AFG2A: variants seen among roughly 807,000 people sequenced by gnomAD.
AFG2A encodes the protein AAA ATPase AFG2A.
the AFG2A span, among the ~76,000 whole-genome samples, chr4:123,204,386 A>G: frequency 6.6e-6 from 1 of 152,214 alleles, no homozygotes; most frequent in South Asian, 2.1e-4. Context: ...CATCCCTGCC[A>G]GCATTTCATA....
the AFG2A span, among the ~76,000 whole-genome samples, chr4:123,023,744 A>G: frequency 2.0e-5 from 3 of 152,146 alleles, no homozygotes; most frequent in Non-Finnish European, 4.4e-5. Flanking sequence ...GCTCCGAGCA[A>G]GATGGCAGCC....
chr4:123,109,600 A>T, the AFG2A span, among the ~76,000 whole-genome samples: 2 of 152,142 alleles, frequency 1.3e-5, no homozygotes, highest in Non-Finnish European at 2.9e-5. Context: ...ATCATCTGAC[A>T]CTGTAGGTGC....
At chr4:123,315,611 G>C in the AFG2A span, 2 of 152,074 alleles carry the variant, frequency 1.3e-5, no homozygotes, top group East Asian at 3.9e-4. Context: ...TCTTGAAAAA[G>C]CTTTCAGAAA....
chr4:123,130,711 G>A, the AFG2A span, among the ~76,000 whole-genome samples: 2 of 152,156 alleles, frequency 1.3e-5, no homozygotes, highest in Non-Finnish European at 2.9e-5. Context: ...GAAGAATGTT[G>A]CAGTACACAT....
At chr4:123,122,621 A>C in the AFG2A span, among the ~76,000 whole-genome samples, 2 of 152,148 alleles carry the variant, frequency 1.3e-5, no homozygotes, top group African/African-American at 4.8e-5. Context: ...TTTGTTTTCT[A>C]ATGCAGTGGT....
At chr4:123,004,019 C>G in the AFG2A span, among the ~76,000 whole-genome samples, 1 of 152,196 alleles carries the variant, frequency 6.6e-6, no homozygotes, top group African/African-American at 2.4e-5. Flanking sequence ...ATGGCAGGCG[C>G]CCCTTCCCCA....
the AFG2A span, among the ~76,000 whole-genome samples, chr4:123,146,286 A>G: frequency 2.6e-5 from 4 of 152,224 alleles, no homozygotes; most frequent in Non-Finnish European, 5.9e-5. Context: ...TAGTTAGTAA[A>G]AGGAAATAAA....
chr4:123,163,305 G>A, the AFG2A span, among the ~76,000 whole-genome samples: 454 of 152,248 alleles, frequency 3.0e-3, 1 homozygote, highest in Middle Eastern at 0.01. Context: ...GCATGGTGGC[G>A]CGTGCCTGTA....
chr4:123,020,162 C>T, the AFG2A span, among the ~76,000 whole-genome samples: 1 of 151,980 alleles, frequency 6.6e-6, no homozygotes, highest in African/African-American at 2.4e-5. Context: ...TCCTTGTCCT[C>T]ATGCTTTTAT....
At chr4:122,989,619 G>A in the AFG2A span, among the ~76,000 whole-genome samples, 3 of 152,276 alleles carry the variant, frequency 2.0e-5, no homozygotes, top group Admixed American at 2.0e-4. Flanking sequence ...GCAGGTCCAA[G>A]CCTGGCTCTT....
At chr4:123,302,287 TC>T in the AFG2A span, among the ~76,000 whole-genome samples, 1 of 152,102 alleles carries the variant, frequency 6.6e-6, no homozygotes, top group Non-Finnish European at 1.5e-5. Context: ...CCTCAAGCTC[TC>T]CCATTACATG....
chr4:122,992,958 G>GTA, the AFG2A span, among the ~76,000 whole-genome samples: 1 of 94,750 alleles, frequency 1.1e-5, no homozygotes, highest in Non-Finnish European at 2.4e-5. Flanking sequence ...TGTAAGATTT[G>GTA]TGTGTGTGTG....
At chr4:123,216,798 G>A in the AFG2A span, among the ~76,000 whole-genome samples, 1 of 151,814 alleles carries the variant, frequency 6.6e-6, no homozygotes, top group Non-Finnish European at 1.5e-5. Flanking sequence ...GGGACTGCAG[G>A]TGCACACCAC....
At chr4:123,173,871 A>G in the AFG2A span, among the ~76,000 whole-genome samples, 92 of 152,268 alleles carry the variant, frequency 6.0e-4, no homozygotes, top group African/African-American at 4.3e-4. Flanking sequence ...CAAACTAGTT[A>G]TATACAAAAG....
At chr4:123,213,740 TA>T in the AFG2A span, among the ~76,000 whole-genome samples, 1 of 152,190 alleles carries the variant, frequency 6.6e-6, no homozygotes, top group Non-Finnish European at 1.5e-5. Context: ...TGGTACTGTC[TA>T]AAGTTAAACC....
At chr4:122,953,297 G>A in the AFG2A span, among the ~76,000 whole-genome samples, 1 of 152,298 alleles carries the variant, frequency 6.6e-6, no homozygotes, top group South Asian at 2.1e-4. Flanking sequence ...TAGGGTTTTG[G>A]TGGCAGTCTC....
chr4:123,311,151 C>G, the AFG2A span, among the ~76,000 whole-genome samples: 2 of 152,156 alleles, frequency 1.3e-5, no homozygotes, highest in Non-Finnish European at 2.9e-5. Flanking sequence ...GTTTAAGAGA[C>G]AGGGGAGTAC....
the AFG2A span, among the ~76,000 whole-genome samples, chr4:123,170,211 T>C: frequency 6.6e-6 from 1 of 152,332 alleles, no homozygotes; most frequent in East Asian, 1.9e-4. Context: ...TGAATTTTGA[T>C]GTGCTTTTGA....
At chr4:123,053,001 A>T in the AFG2A span, among the ~76,000 whole-genome samples, 2 of 152,190 alleles carry the variant, frequency 1.3e-5, no homozygotes, top group Non-Finnish European at 2.9e-5. Context: ...GAAAGCCAGA[A>T]GACTCAGCAA....
Sources: gnomAD v4.1 joint callset for allele counts (sites outside exome capture counted in the v4.1 genomes callset) on GRCh38, gnomAD v4.1.1 for gene constraint, MANE v1.5 for transcripts, NCBI Gene and HGNC (gene_info 2026-07-23, HGNC 2026-07-21) for gene names.